The following MLH3 variants were observed in gnomAD, a reference collection of about 807,000 sequenced individuals.
The protein encoded by MLH3 is mutL homolog 3, also known as DNA mismatch repair protein Mlh3.
MLH3 carries 82 observed loss-of-function variants against 122.2 expected under a neutral mutation model. The observed-to-expected ratio is 0.67, with a 90% confidence interval of 0.56 to 0.81. The LOEUF (loss-of-function observed/expected upper bound fraction) is 0.81. Among genes scored for constraint, MLH3 ranks in the 30% least tolerant of loss-of-function variants. The pLI is 0.00. For missense variants in MLH3, 1,539 were observed against 1,714.5 expected (o/e 0.90, Z 1.81); for synonymous variants, 524 against 599.5 (o/e 0.87, Z 1.84).
At chr14:75,024,352 C>A (rs1595037012) in intron 9 of MLH3, among the ~76,000 whole-genome samples, 2 of 152,124 alleles carry the variant, frequency 1.3e-5, no homozygotes, top group East Asian at 3.9e-4. Flanking sequence ...CAATCATGCA[C>A]CACCACGCCT....
intron 9 of MLH3, among the ~76,000 whole-genome samples, chr14:75,026,377 TA>T (rs1001773265): frequency 6.6e-6 from 1 of 151,954 alleles, no homozygotes; most frequent in Non-Finnish European, 1.5e-5. Context: ...GTCACTGAAA[TA>T]AAAAACTCAG....
At chr14:75,037,782 G>A (rs1010493564) in intron 6 of MLH3, among the ~76,000 whole-genome samples, 3 of 151,396 alleles carry the variant, frequency 2.0e-5, no homozygotes, top group Non-Finnish European at 4.4e-5. Context: ...GCGAGACCCC[G>A]TTCTCCACAA....
At chr14:75,039,661 A>T (rs1891670265) in intron 5 of MLH3, among the ~76,000 whole-genome samples, 2 of 151,894 alleles carry the variant, frequency 1.3e-5, no homozygotes, top group African/African-American at 4.8e-5. Context: ...TCCATAATTC[A>T]TTCCCTCCAA....
chr14:75,032,901 C>A (rs1210793788), intron 7 of MLH3, among the ~76,000 whole-genome samples: 1 of 70,936 alleles, frequency 1.4e-5, no homozygotes, highest in Non-Finnish European at 3.5e-5. Flanking sequence ...TATTGGTTGT[C>A]TCTGGGGAGA....
chr14:75,040,449 CAAAAAAAAAAAA>C (rs36233766), intron 4 of MLH3, among the ~76,000 whole-genome samples: 4 of 35,592 alleles, frequency 1.1e-4, no homozygotes, highest in African/African-American at 2.0e-4. Flanking sequence ...GACTCTGTCA[CAAAAAAAAAAAA>C]AAAAAAAAAA....
Position 75,049,626 on chromosome 14 carries a change from T to C in MLH3, c.30A>G (p.Gln10=). 1 of 1,614,152 alleles carries C rather than the reference T, an allele frequency of 6.2e-7. No individual in the cohort carries two copies. The highest frequency in any genetic ancestry group is 8.5e-7 in the Non-Finnish European group (1 of 1,180,010). Residue 10 remains glutamine (Q), a synonymous_variant, in exon 2 of 13, where the codon CAA becomes CAG. Coordinates refer to ENST00000355774, the MANE Select transcript of MLH3 (RefSeq NM_001040108.2). MIKCLSVEV[Q]AKLRSGLAIS... ...TGGCCAAACCAGAACGCAATTTGGC[T>C]TGTACTTCAACTGACAAGCACTTGA...
chr14:75,049,373 C>A lies in MLH3; in HGVS notation c.283G>T (p.Glu95Ter). ...ATGTCAGCAATATTTGCCAAGGCCT[C>A]TCCTCGGAAACCATAAAACCTTGGA... Reference protein sequence around the residue: ...ENPRFYGFRGEALANIADMAS... With the variant: ...ENPRFYGFRG The change falls in exon 2 of 13, where the codon GAG becomes TAG. Residue 95 changes from glutamate (E) to a stop codon, truncating the protein, a stop_gained. Transcript: ENST00000355774. LOFTEE classifies it high-confidence loss of function. 6.2e-7 allele frequency: 1 copy of A among 1,614,070 alleles called. No individual in the cohort carries two copies.
intron 4 of MLH3, among the ~76,000 whole-genome samples, chr14:75,040,315 C>T (rs899073022): frequency 2.6e-5 from 4 of 151,186 alleles, no homozygotes; most frequent in African/African-American, 7.3e-5. Context: ...CTGGGCGTGG[C>T]GGCAGGCGCC....
chr14:75,039,855 ATATATATATATATAT>A, intron 5 of MLH3, 41 bp downstream of exon 5: 1 of 56,568 alleles, frequency 1.8e-5, no homozygotes, highest in Non-Finnish European at 4.2e-5. Flanking sequence ...CCATATATAT[ATATATATATATATAT>A]ATATATATAT....
At chr14:75,021,078 T>C (rs1157586611) in intron 11 of MLH3, among the ~76,000 whole-genome samples, 2 of 152,346 alleles carry the variant, frequency 1.3e-5, no homozygotes, top group East Asian at 3.9e-4. Context: ...GGTTTCACCA[T>C]GTTGGCCAGG....
In MLH3 at chr14:75,049,046, T is replaced by C. The variant is rs1302190283; in HGVS notation, c.610A>G (p.Thr204Ala). The change falls in exon 2 of 13, where the codon ACC becomes GCC. Residue 204 changes from threonine to alanine, a missense_variant. By Grantham distance (58) the Thr-to-Ala change is moderately conservative. Coordinates refer to ENST00000355774, the MANE Select transcript of MLH3 (RefSeq NM_001040108.2). ...SGSMVLQLPKTKDVCSRFCQI... is the reference protein window; with the variant it reads ...SGSMVLQLPKAKDVCSRFCQI... The stretch of plus-strand genomic sequence containing the variant: ...CAAAATCGGGAACATACGTCTTTGG[T>C]TTTAGGGAGCTGAAGAACCATGGAA... The C allele has an allele frequency of 6.2e-7, 1 of 1,614,004 alleles. No homozygotes were observed. Among genetic ancestry groups the C allele is most frequent in the East Asian group, 2.2e-5 (1 of 44,896 alleles).
chr14:75,028,697 C>T lies in MLH3; in HGVS notation c.3987+1846G>A, dbSNP rs1004354415. On this transcript the variant is annotated intron_variant, in intron 9 of 12. Coordinates refer to ENST00000355774, the MANE Select transcript of MLH3 (RefSeq NM_001040108.2). The stretch of plus-strand genomic sequence containing the variant: ...CCTCCCAAAATGCTGGGATTACAGG[C>T]GTGAGCCACTGCACCTGGCCTGATT... 3.3e-5 allele frequency among the ~76,000 whole-genome samples: 5 copies of T among 151,410 alleles called. No homozygotes were observed. In the East Asian group the frequency reaches 7.9e-4, roughly 24 times the overall value.
chr14:75,030,584 G>C lies in MLH3; in HGVS notation c.3946C>G (p.Leu1316Val), dbSNP rs2139384844. Residue 1316 changes from leucine to valine, a missense_variant, in exon 9 of 13, where the codon CTT (leucine) becomes GTT (valine). Coordinates refer to ENST00000355774, the MANE Select transcript of MLH3 (RefSeq NM_001040108.2). Reference sequence around the variant, plus strand: ...GTCACAGTAGATCTTCCTCTCCGAAGTTCATTGGCTTCTCTTTCCACAAAA... The same window carrying C: ...GTCACAGTAGATCTTCCTCTCCGAACTTCATTGGCTTCTCTTTCCACAAAA... Reference protein sequence around the residue: ...LCFVEREANELRRGRSTVTKS... With the variant: ...LCFVEREANEVRRGRSTVTKS... The C allele has an allele frequency of 6.2e-7, 1 of 1,614,078 alleles. No individual in the cohort carries two copies. The highest frequency in any genetic ancestry group is 1.1e-5 in the South Asian group (1 of 91,088).
chr14:75,044,615 A>C (rs1892089929), intron 2 of MLH3, among the ~76,000 whole-genome samples: 2 of 152,232 alleles, frequency 1.3e-5, no homozygotes, highest in Non-Finnish European at 2.9e-5. Context: ...ACAACAGTGA[A>C]AGAAATGAGT....
In MLH3 at chr14:75,015,024, C is replaced by A. The variant is rs190537801; in HGVS notation, c.*2058G>T. The A allele has an allele frequency of 2.7e-3, 476 of 178,588 alleles. 2 individuals are homozygous for A. The highest frequency in any genetic ancestry group is 7.4e-3 in the Admixed American group (118 of 15,878). 11.1% of individuals were successfully genotyped at this position (178,588 alleles called of 1,614,324 possible). ...AAATGGTGATAAAGCTACCACCTTA[C>A]CTCATGGACTGTCAAGAAACTAAAC... On this transcript the variant is annotated 3_prime_UTR_variant, in exon 13 of 13. Transcript: ENST00000355774.
Position 75,046,633 on chromosome 14 carries a change from G to A in MLH3, c.3023C>T (p.Pro1008Leu), listed in dbSNP as rs770819541. The stretch of plus-strand genomic sequence containing the variant: ...TTGGTCACCTGTGGCATCTTCTACC[G>A]GATTCATTAACATTCCACTGGGAGA... ...LDSPSGMLMN[P>L]VEDATGDQNG... The change falls in exon 2 of 13, where the codon CCG becomes CTG. Residue 1008 changes from proline (P) to leucine (L), a missense_variant. Transcript: ENST00000355774. 16 of 1,613,990 alleles carry A rather than the reference G, an allele frequency of 9.9e-6. No individual in the cohort carries two copies. Among genetic ancestry groups the A allele is most frequent in the Admixed American group, 5.0e-5 (3 of 59,996 alleles).
intron 8 of MLH3, 76 bp downstream of exon 8, chr14:75,031,992 A>G (rs1891080321): frequency 1.0e-6 from 1 of 987,858 alleles, no homozygotes; most frequent in Admixed American, 1.8e-5. Flanking sequence ...AAATGGAACA[A>G]TAGTTATGCT....
intron 9 of MLH3, among the ~76,000 whole-genome samples, chr14:75,028,748 C>G (rs766550359): frequency 2.6e-5 from 4 of 151,854 alleles, no homozygotes; most frequent in Non-Finnish European, 5.9e-5. Flanking sequence ...TACCAATAGC[C>G]TAACGTTGAT....
chr14:75,047,643 G>T lies in MLH3; in HGVS notation c.2013C>A (p.Asn671Lys). The change falls in exon 2 of 13, where the codon AAC becomes AAA. Residue 671 changes from asparagine to lysine, a missense_variant. Coordinates refer to ENST00000355774, the MANE Select transcript of MLH3 (RefSeq NM_001040108.2). ...TLSKESGQLP[N>K]KKNCRTNISY... ...TTATATTCGTTCTGCAATTTTTTTT[G>T]TTGGGCAATTGACCAGATTCTTTAC... 6.2e-7 allele frequency: 1 copy of T among 1,613,816 alleles called. No homozygotes were observed. The highest frequency in any genetic ancestry group is 8.5e-7 in the Non-Finnish European group (1 of 1,179,906).
Sources: allele counts gnomAD v4.1 joint callset (sites outside exome capture counted in the v4.1 genomes callset), GRCh38; gene constraint gnomAD v4.1.1; transcripts MANE v1.5; gene names NCBI Gene and HGNC (gene_info 2026-07-23, HGNC 2026-07-21).